PCDH15: variants seen among roughly 807,000 people sequenced by gnomAD.
PCDH15 encodes the protein protocadherin related 15.
Under a neutral mutation model 178.5 loss-of-function variants are expected in PCDH15, and 129 were observed. The ratio of observed to expected loss-of-function variants is 0.72; its 90% confidence interval spans 0.63 to 0.84. The LOEUF (loss-of-function observed/expected upper bound fraction) is 0.84. Ranked by LOEUF, PCDH15 falls within the 40% of genes least tolerant of loss-of-function variation. The probability of loss-of-function intolerance (pLI) is 0.00; values close to 1 mark genes in which losing one functional copy is unlikely to be tolerated. For missense variants in PCDH15, 2,230 were observed against 2,099.9 expected, an observed-to-expected ratio of 1.06 and a Z score of -1.21; for synonymous variants, 800 against 732.0, an observed-to-expected ratio of 1.09 and a Z score of -1.50.
At chr10:54,526,632 TATGA>T (rs1334178124) in intron 3 of PCDH15, among the ~76,000 whole-genome samples, 3 of 152,188 alleles carry the variant, frequency 2.0e-5, no homozygotes, top group Non-Finnish European at 4.4e-5. Context: ...ATGATTTTAT[TATGA>T]ATAAGGATAG....
intron 35 of PCDH15, among the ~76,000 whole-genome samples, chr10:53,812,811 A>G (rs926505802): frequency 1.3e-5 from 2 of 152,184 alleles, no homozygotes; most frequent in African/African-American, 4.8e-5. Context: ...AGGTACTCAC[A>G]TGAAAATAGA....
At chr10:53,871,219 T>C (rs528618744) in intron 26 of PCDH15, among the ~76,000 whole-genome samples, 116 of 150,506 alleles carry the variant, frequency 7.7e-4, no homozygotes, top group South Asian at 5.7e-3. Flanking sequence ...CAGGCACCTG[T>C]AGTCCCAGCT....
intron 15 of PCDH15, among the ~76,000 whole-genome samples, chr10:54,092,742 T>C (rs2136078144): frequency 6.6e-6 from 1 of 152,260 alleles, no homozygotes; most frequent in Admixed American, 6.5e-5. Flanking sequence ...GCTAACATTT[T>C]GAAGAATCAG....
chr10:53,896,394 C>A (rs1035527949), intron 26 of PCDH15, among the ~76,000 whole-genome samples: 48 of 152,154 alleles, frequency 3.2e-4, no homozygotes, highest in Admixed American at 1.2e-3. Context: ...TTTTACAGTT[C>A]TTTCTATATT....
chr10:53,919,650 A>G (rs1202977852), intron 25 of PCDH15, among the ~76,000 whole-genome samples: 1 of 152,222 alleles, frequency 6.6e-6, no homozygotes, highest in Non-Finnish European at 1.5e-5. Context: ...GTAACAACAT[A>G]TAGATGTAAC....
At chr10:55,313,386 C>T (rs1398652580) in intron 1 of PCDH15, among the ~76,000 whole-genome samples, 3 of 152,060 alleles carry the variant, frequency 2.0e-5, no homozygotes, top group Non-Finnish European at 4.4e-5. Flanking sequence ...TTTAGAATTC[C>T]AAAATTTCAG....
chr10:54,870,853 G>C (rs1230429979), intron 3 of PCDH15, among the ~76,000 whole-genome samples: 3 of 151,810 alleles, frequency 2.0e-5, no homozygotes, highest in Non-Finnish European at 2.9e-5. Flanking sequence ...CCATTCTCTC[G>C]CTGGTATCTC....
intron 1 of PCDH15, among the ~76,000 whole-genome samples, chr10:54,795,145 C>A (rs1951829259): frequency 6.6e-6 from 1 of 151,744 alleles, no homozygotes; most frequent in Admixed American, 6.6e-5. Context: ...ATTTAAAATT[C>A]TCCACACTTC....
chr10:55,224,825 C>T (rs1037367192), intron 1 of PCDH15, among the ~76,000 whole-genome samples: 1 of 152,074 alleles, frequency 6.6e-6, no homozygotes, highest in South Asian at 2.1e-4. Context: ...CAGCCACATA[C>T]TTCTTTACCT....
chr10:55,384,033 T>C (rs1837597139), intron 2 of PCDH15, among the ~76,000 whole-genome samples: 1 of 152,178 alleles, frequency 6.6e-6, no homozygotes, highest in East Asian at 1.9e-4. Flanking sequence ...AAATTGTATA[T>C]TTAAGACAGT....
intron 2 of PCDH15, among the ~76,000 whole-genome samples, chr10:55,548,918 A>T (rs1387876236): frequency 6.6e-6 from 1 of 152,178 alleles, no homozygotes; most frequent in Non-Finnish European, 1.5e-5. Flanking sequence ...AAAGTGCTTT[A>T]AAAAAGATGA....
intron 3 of PCDH15, among the ~76,000 whole-genome samples, chr10:54,834,638 A>G (rs969899692): frequency 2.6e-5 from 4 of 152,302 alleles, no homozygotes; most frequent in Middle Eastern, 3.4e-3. Context: ...CTCTATTAGA[A>G]TATTTAGGAT....
intron 3 of PCDH15, among the ~76,000 whole-genome samples, chr10:54,414,162 A>T (rs1003870094): frequency 3.3e-5 from 5 of 152,184 alleles, no homozygotes; most frequent in African/African-American, 1.2e-4. Context: ...CCATGTACTC[A>T]TAGGAGATAT....
intron 3 of PCDH15, among the ~76,000 whole-genome samples, chr10:54,450,151 A>ATATG (rs2076383138): frequency 6.8e-6 from 1 of 146,232 alleles, no homozygotes. Context: ...ATATATATAT[A>ATATG]TATATATTAT....
At chr10:54,251,118 T>C (rs1034876190) in intron 8 of PCDH15, among the ~76,000 whole-genome samples, 1 of 152,224 alleles carries the variant, frequency 6.6e-6, no homozygotes, top group Non-Finnish European at 1.5e-5. Context: ...AAAAATTTGA[T>C]TGAATTTTAG....
At chr10:54,811,455 G>A (rs1952860771) in intron 3 of PCDH15, among the ~76,000 whole-genome samples, 1 of 151,918 alleles carries the variant, frequency 6.6e-6, no homozygotes, top group Admixed American at 6.6e-5. Flanking sequence ...TTCAGTTATA[G>A]CTAAATAATT....
chr10:54,023,639 ATGTT>A (rs1169647825), intron 18 of PCDH15, among the ~76,000 whole-genome samples: 9 of 148,694 alleles, frequency 6.1e-5, no homozygotes, highest in East Asian at 3.9e-4. Flanking sequence ...GTTACACATT[ATGTT>A]TGTTTATAAT....
At chr10:55,334,457 G>A (rs771818943) in intron 2 of PCDH15, among the ~76,000 whole-genome samples, 15 of 150,774 alleles carry the variant, frequency 9.9e-5, no homozygotes, top group Non-Finnish European at 2.1e-4. Flanking sequence ...ACAAACATGT[G>A]CCACCATGCC....
At chr10:54,394,243 G>C (rs1308495054) in intron 3 of PCDH15, among the ~76,000 whole-genome samples, 1 of 151,990 alleles carries the variant, frequency 6.6e-6, no homozygotes, top group Non-Finnish European at 1.5e-5. Flanking sequence ...AGAATATGTT[G>C]CATTATATGT....
Sources: allele counts gnomAD v4.1 joint callset (sites outside exome capture counted in the v4.1 genomes callset), GRCh38; gene constraint gnomAD v4.1.1; transcripts MANE v1.5; gene names NCBI Gene and HGNC (gene_info 2026-07-23, HGNC 2026-07-21).